KIFAP3: variants seen among roughly 807,000 people sequenced by gnomAD.
KIFAP3 encodes the protein kinesin-associated protein 3.
A neutral mutation model predicts 106.5 loss-of-function variants in KIFAP3; 68 were observed. The ratio of observed to expected loss-of-function variants is 0.64; its 90% CI spans 0.53 to 0.78. KIFAP3 has a LOEUF of 0.78. Ranked by LOEUF, KIFAP3 falls within the 30% of genes least tolerant of loss-of-function variation. KIFAP3 has a pLI of 0.00. For missense variants in KIFAP3, 780 were observed against 941.8 expected (o/e 0.83, Z 2.25); for synonymous variants, 320 against 311.5 (o/e 1.03, Z -0.29).
chr1:170,079,619 A>C (rs892082608), upstream of KIFAP3, among the ~76,000 whole-genome samples: 1 of 152,112 alleles, frequency 6.6e-6, no homozygotes, highest in Non-Finnish European at 1.5e-5. Flanking sequence ...TGTTTCATTG[A>C]TCTATCTGTC....
intron 1 of KIFAP3, among the ~76,000 whole-genome samples, chr1:170,070,025 G>A (rs1447452419): frequency 6.6e-6 from 1 of 151,988 alleles, no homozygotes; most frequent in Non-Finnish European, 1.5e-5. Context: ...ACATATTGGA[G>A]CTGAAAAATA....
intron 11 of KIFAP3, among the ~76,000 whole-genome samples, chr1:169,988,512 T>G (rs1375506329): frequency 6.6e-6 from 1 of 151,974 alleles, no homozygotes; most frequent in African/African-American, 2.4e-5. Flanking sequence ...AATATTATAT[T>G]AACTCTAAGA....
intron 11 of KIFAP3, among the ~76,000 whole-genome samples, chr1:169,988,977 A>T (rs1057233458): frequency 6.6e-5 from 10 of 152,046 alleles, no homozygotes; most frequent in African/African-American, 2.4e-4. Flanking sequence ...AAAAGAAAAC[A>T]TCAAAAATCC....
chr1:169,935,185 A>G (rs1053775859), intron 19 of KIFAP3, among the ~76,000 whole-genome samples: 1 of 152,062 alleles, frequency 6.6e-6, no homozygotes, highest in South Asian at 2.1e-4. Context: ...ATATCTCAGC[A>G]TGAAGTTTGG....
intron 19 of KIFAP3, among the ~76,000 whole-genome samples, chr1:169,940,644 C>T (rs1175939330): frequency 6.6e-6 from 1 of 152,170 alleles, no homozygotes; most frequent in African/African-American, 2.4e-5. Context: ...GGAGGTGGAG[C>T]TTAGGCAGTA....
At chr1:170,069,584 G>A (rs1671601912) in intron 1 of KIFAP3, among the ~76,000 whole-genome samples, 1 of 152,070 alleles carries the variant, frequency 6.6e-6, no homozygotes, top group Non-Finnish European at 1.5e-5. Flanking sequence ...CTCAATCGAT[G>A]CAGAAAAAAG....
intron 19 of KIFAP3, among the ~76,000 whole-genome samples, chr1:169,928,029 G>A (rs1571504823): frequency 6.6e-6 from 1 of 152,034 alleles, no homozygotes; most frequent in South Asian, 2.1e-4. Flanking sequence ...GAAGTAATGA[G>A]AACCTACAGA....
rs16862971 is a variant in KIFAP3 at position 170,034,636 on chromosome 1, T to G, written c.618-140A>C. ...TTTTAATAAATGAATATATCCACAA[T>G]ACACTAGGAAGACTTGCGATTATAA... On this transcript the variant is annotated intron_variant, in intron 6 of 19. Coordinates refer to ENST00000361580, the MANE Select transcript of KIFAP3 (RefSeq NM_014970.4). 1,658 of 419,062 alleles carry G rather than the reference T, an allele frequency of 4.0e-3. 24 individuals carry two copies. Among genetic ancestry groups the G allele is most frequent in the African/African-American group, 0.028 (1,321 of 47,662 alleles). 26.0% of individuals were successfully genotyped at this position (419,062 alleles called of 1,614,324 possible).
chr1:170,070,898 T>C (rs141707763), intron 1 of KIFAP3, among the ~76,000 whole-genome samples: 1 of 152,310 alleles, frequency 6.6e-6, no homozygotes, highest in African/African-American at 2.4e-5. Flanking sequence ...TGGGACAAAG[T>C]ATCTGTAAAT....
intron 16 of KIFAP3, among the ~76,000 whole-genome samples, chr1:169,975,166 C>T (rs1666160665): frequency 6.6e-6 from 1 of 151,908 alleles, no homozygotes; most frequent in South Asian, 2.1e-4. Context: ...TGAGGAACCC[C>T]CAAATAAGGA....
chr1:169,954,119 A>G lies in KIFAP3; in HGVS notation c.2174-9T>C, dbSNP rs1481104990. 2 of 1,510,416 alleles carry G rather than the reference A, an allele frequency of 1.3e-6. No individual in the cohort carries two copies. Among genetic ancestry groups the G allele is most frequent in the East Asian group, 2.3e-5 (1 of 43,946 alleles). 93.6% of individuals were successfully genotyped at this position (1,510,416 alleles called of 1,614,324 possible). A position where few individuals can be genotyped will look rare whatever the true frequency, so the allele number is the denominator to read the frequency against. On this transcript the variant is annotated splice_polypyrimidine_tract_variant and intron_variant, in intron 18 of 19. Transcript: ENST00000361580. ...AGAGGCAATTAATCCATCTAGAAAG[A>G]AAAAAAAATGGTAACCAGTAAAACA...
chr1:170,030,217 C>CATAT (rs1447259464), intron 8 of KIFAP3, among the ~76,000 whole-genome samples: 1 of 151,680 alleles, frequency 6.6e-6, no homozygotes, highest in East Asian at 1.9e-4. Context: ...ATATCCAAAA[C>CATAT]ATATAAAGAA....
intron 9 of KIFAP3, among the ~76,000 whole-genome samples, chr1:170,023,205 A>G (rs955619271): frequency 6.6e-6 from 1 of 152,128 alleles, no homozygotes; most frequent in Non-Finnish European, 1.5e-5. Flanking sequence ...AATGAAAATG[A>G]CAGATACTAA....
intron 19 of KIFAP3, chr1:169,923,104 T>C: frequency 1.0e-6 from 1 of 985,176 alleles, no homozygotes; most frequent in Non-Finnish European, 1.2e-6. Flanking sequence ...ATGGAAGTTC[T>C]GAAATACAAG....
At position 170,038,400 on chromosome 1, in the gene KIFAP3, T is replaced by A. The variant is rs1175521199; in HGVS notation, c.407A>T (p.Asp136Val). ...TTCATATAATAACTCAATATATTCA[T>A]CCATGTCATTAATGTTAGCAACTTC... ...IDEVANINDM[D>V]EYIELLYEDI... is the part of the protein sequence containing the mutation. The change falls in exon 5 of 20, where the codon GAT becomes GTT. Residue 136 changes from aspartate to valine, a missense_variant. Transcript: ENST00000361580. The A allele has an allele frequency of 8.1e-6, 13 of 1,608,578 alleles. No homozygotes were observed. Among genetic ancestry groups the A allele is most frequent in the Admixed American group, 3.4e-5 (2 of 58,198 alleles).
At chr1:170,084,998 T>C (rs548513937) in intron 1 of KIFAP3, 1 of 152,358 alleles carries the variant, frequency 6.6e-6, no homozygotes, top group Admixed American at 6.5e-5. Flanking sequence ...ATTTCAATCC[T>C]GATTTGCTTC....
chr1:170,079,090 C>T (rs1671974188), upstream of KIFAP3, among the ~76,000 whole-genome samples: 1 of 152,156 alleles, frequency 6.6e-6, no homozygotes, highest in African/African-American at 2.4e-5. Flanking sequence ...GGAGACAGGG[C>T]CTAATGGGAG....
intron 10 of KIFAP3, among the ~76,000 whole-genome samples, chr1:170,011,568 A>G (rs1042028621): frequency 4.6e-5 from 7 of 151,902 alleles, no homozygotes; most frequent in Admixed American, 4.6e-4. Context: ...TATACACATT[A>G]CATACACATG....
chr1:170,078,259 G>A (rs532327507), upstream of KIFAP3, among the ~76,000 whole-genome samples: 2 of 151,878 alleles, frequency 1.3e-5, no homozygotes, highest in East Asian at 3.9e-4. Context: ...TCTAATAAGT[G>A]TGCAGGGCTA....
Sources: gnomAD v4.1 joint callset for allele counts (sites outside exome capture counted in the v4.1 genomes callset) on GRCh38, gnomAD v4.1.1 for gene constraint, MANE v1.5 for transcripts, NCBI Gene and HGNC (gene_info 2026-07-23, HGNC 2026-07-21) for gene names.